Variants in ADGRG6 observed in about 807,000 individuals in gnomAD.
ADGRG6 encodes the protein adhesion G protein-coupled receptor G6.
A neutral mutation model predicts 142.4 loss-of-function variants in ADGRG6; 84 were observed. The observed-to-expected ratio is 0.59, with a 90% CI of 0.49 to 0.71. The LOEUF (loss-of-function observed/expected upper bound fraction) is 0.71, where lower values mean the gene tolerates loss of function less well. Ranked by LOEUF, ADGRG6 falls within the 30% of genes least tolerant of loss-of-function variation. The pLI, the probability that ADGRG6 is intolerant of heterozygous loss-of-function variation, is 0.00. For synonymous variants in ADGRG6, 521 were observed against 520.5 expected (o/e 1.00, Z -0.01); for missense variants, 1,367 against 1,466.6 (o/e 0.93, Z 1.11).
rs773615763 is a variant in ADGRG6, at chr6:142,419,796, T to A, written c.3036-25T>A. ...CAGGACATGGTAATAAATCTTTTTT[T>A]CTTTCTCATTTCTTCTTTTTTAAGC... On this transcript the variant is annotated intron_variant, in intron 21 of 24. Coordinates refer to ENST00000367609, the MANE Select transcript of ADGRG6 (RefSeq NM_198569.3). 1.5e-5 allele frequency: 24 copies of A among 1,562,452 alleles called. 1 individual carries two copies. The East Asian group carries it at 5.2e-4, about 34-fold the overall frequency.
At chr6:142,318,755 G>A (rs1341889768) in intron 2 of ADGRG6, among the ~76,000 whole-genome samples, 1 of 151,930 alleles carries the variant, frequency 6.6e-6, no homozygotes, top group Non-Finnish European at 1.5e-5. Flanking sequence ...ATGCACAGAT[G>A]CATTATAAAT....
intron 2 of ADGRG6, among the ~76,000 whole-genome samples, chr6:142,312,498 A>G (rs1251758107): frequency 6.6e-6 from 1 of 152,096 alleles, no homozygotes; most frequent in Non-Finnish European, 1.5e-5. Flanking sequence ...CTTGTACCAT[A>G]GAAGTATGCC....
intron 2 of ADGRG6, among the ~76,000 whole-genome samples, chr6:142,340,700 C>A (rs900669300): frequency 2.0e-5 from 3 of 152,024 alleles, no homozygotes; most frequent in Non-Finnish European, 4.4e-5. Flanking sequence ...TCTTGTCCCC[C>A]CACATCATTC....
intron 22 of ADGRG6, among the ~76,000 whole-genome samples, chr6:142,432,609 C>A (rs1777264758): frequency 6.6e-6 from 1 of 151,954 alleles, no homozygotes; most frequent in Admixed American, 6.6e-5. Flanking sequence ...ATTTACAGAC[C>A]ACAATGGTTA....
intron 2 of ADGRG6, among the ~76,000 whole-genome samples, chr6:142,360,461 G>A (rs991952073): frequency 6.6e-6 from 1 of 151,978 alleles, no homozygotes; most frequent in African/African-American, 2.4e-5. Flanking sequence ...AACAGAAATC[G>A]ACTAAAACCA....
intron 22 of ADGRG6, among the ~76,000 whole-genome samples, chr6:142,426,614 C>T (rs1296049338): frequency 6.6e-6 from 1 of 152,180 alleles, no homozygotes; most frequent in Non-Finnish European, 1.5e-5. Context: ...GCCCTCTTCT[C>T]ACAGCTCCAC....
At chr6:142,351,403 A>T (rs186290238) in intron 2 of ADGRG6, among the ~76,000 whole-genome samples, 4 of 152,276 alleles carry the variant, frequency 2.6e-5, no homozygotes, top group African/African-American at 9.6e-5. Flanking sequence ...AAAGCCGCAC[A>T]CCTACAACCA....
chr6:142,354,751 T>C (rs946835059), intron 2 of ADGRG6, among the ~76,000 whole-genome samples: 1 of 152,238 alleles, frequency 6.6e-6, no homozygotes, highest in African/African-American at 2.4e-5. Context: ...ATTGCATATA[T>C]GTAAACTATT....
At position 142,415,816 on chromosome 6, in the gene ADGRG6, C is replaced by T. The variant is rs1489763113; in HGVS notation, c.2690C>T (p.Pro897Leu). 6.2e-7 allele frequency: 1 copy of T among 1,611,632 alleles called. No individual in the cohort carries two copies. Among genetic ancestry groups the T allele is most frequent in the Non-Finnish European group, 8.5e-7 (1 of 1,178,182 alleles). Residue 897 changes from proline to leucine, a missense_variant, in exon 20 of 25, where the codon CCC (proline) becomes CTC (leucine). By Grantham distance (98) the Pro-to-Leu change is moderately conservative (BLOSUM62 -3). Transcript: ENST00000367609. ...TTTAGGAAATTGCGAAGGGATTATCCCTCCAAAATCTTGATGAACCTGAGC... is the reference window on the plus strand; with the variant it reads ...TTTAGGAAATTGCGAAGGGATTATCTCTCCAAAATCTTGATGAACCTGAGC... ...VAFEKLRRDY[P>L]SKILMNLSTA... is the part of the protein sequence containing the mutation.
chr6:142,361,950 A>G (rs1780741729), intron 2 of ADGRG6, among the ~76,000 whole-genome samples: 1 of 152,184 alleles, frequency 6.6e-6, no homozygotes, highest in Admixed American at 6.5e-5. Context: ...GTATATCTAC[A>G]TAACAGGCTG....
rs995359259 is a variant in ADGRG6, at chr6:142,381,933, C to CT, written c.1070-13dup. ...AAATCATAAATCAAACTTACATATT[C>CT]TTTTTGTGTTGATCAAGGTTCCTAC... On this transcript the variant is annotated splice_polypyrimidine_tract_variant and intron_variant, in intron 4 of 24. Transcript: ENST00000367609. 2.0e-6 allele frequency: 3 copies of CT among 1,518,932 alleles called. No homozygotes were observed. The highest frequency in any genetic ancestry group is 2.7e-6 in the Non-Finnish European group (3 of 1,105,598). 94.1% of individuals were successfully genotyped at this position (1,518,932 alleles called of 1,614,324 possible).
Position 142,415,049 on chromosome 6 carries a change from A to G in ADGRG6, c.2622A>G (p.Ile874Met). ...LTFISYIGCG[I>M]SAIFSAATLL... is the part of the protein sequence containing the mutation. ...TCATCAGCTATATTGGGTGTGGAAT[A>G]TCTGCTATTTTTTCAGCAGCAACTC... Residue 874 changes from isoleucine (I) to methionine (M), a missense_variant, in exon 19 of 25, where the codon ATA (isoleucine) becomes ATG (methionine). Physicochemically the swap from Ile to Met is conservative, Grantham distance 10. This residue lies in a region of ADGRG6 where 286 missense variants were observed against 371.4 expected (regional missense o/e 0.77). Transcript: ENST00000367609. 6.2e-7 allele frequency: 1 copy of G among 1,612,098 alleles called. No individual in the cohort carries two copies. Among genetic ancestry groups the G allele is most frequent in the Non-Finnish European group, 8.5e-7 (1 of 1,178,784 alleles).
intron 2 of ADGRG6, among the ~76,000 whole-genome samples, chr6:142,366,752 CA>C (rs35575976): frequency 0.031 from 3,720 of 121,336 alleles, 133 homozygotes; most frequent in African/African-American, 0.088. Context: ...GAGACTGTCT[CA>C]AAAAAAAAAA....
At chr6:142,387,669 A>G (rs1001365992) in intron 6 of ADGRG6, among the ~76,000 whole-genome samples, 1 of 152,200 alleles carries the variant, frequency 6.6e-6, no homozygotes, top group Non-Finnish European at 1.5e-5. Context: ...TTGAAATAGC[A>G]TAGATAGAGC....
chr6:142,395,227 T>C (rs1775113808), intron 9 of ADGRG6, among the ~76,000 whole-genome samples: 1 of 152,204 alleles, frequency 6.6e-6, no homozygotes, highest in South Asian at 2.1e-4. Flanking sequence ...CTTTATGATA[T>C]GAAAACACAG....
rs553838149 is a variant in ADGRG6, at chr6:142,401,351, A to C, written c.1680-643A>C. 2.6e-5 allele frequency among the ~76,000 whole-genome samples: 4 copies of C among 152,312 alleles called. No homozygotes were observed. The East Asian group carries it at 7.7e-4, about 29-fold the overall frequency. On this transcript the variant is annotated intron_variant, in intron 11 of 24. Coordinates refer to ENST00000367609, the MANE Select transcript of ADGRG6 (RefSeq NM_198569.3). ...ACCAAATTCCATTTAATCTTCTATA[A>C]GATGTGAATTATAATCTGCTTTGCA...
intron 2 of ADGRG6, among the ~76,000 whole-genome samples, chr6:142,328,873 A>G (rs948452143): frequency 6.6e-6 from 1 of 152,158 alleles, no homozygotes. Context: ...ATTGAGGTAA[A>G]TTGTAGTTTA....
chr6:142,340,972 A>G (rs2114718237), intron 2 of ADGRG6, among the ~76,000 whole-genome samples: 1 of 152,244 alleles, frequency 6.6e-6, no homozygotes, highest in South Asian at 2.1e-4. Flanking sequence ...TAATAGTCTC[A>G]AAATGCAGGG....
Position 142,419,825 on chromosome 6 carries a change from T to C in ADGRG6, c.3040T>C (p.Trp1014Arg), listed in dbSNP as rs1174600832. The C allele has an allele frequency of 6.2e-7, 1 of 1,601,718 alleles. No homozygotes were observed. Among genetic ancestry groups the C allele is most frequent in the Admixed American group, 1.7e-5 (1 of 58,326 alleles). Reference protein sequence around the residue: ...YGKEKGDEFCWIQDPVIFYVT... With the variant: ...YGKEKGDEFCRIQDPVIFYVT... ...TCTCATTTCTTCTTTTTTAAGCTGTTGGATTCAAGATCCAGTCATATTTTA... is the reference window on the plus strand; with the variant it reads ...TCTCATTTCTTCTTTTTTAAGCTGTCGGATTCAAGATCCAGTCATATTTTA... The change falls in exon 22 of 25, where the codon TGG becomes CGG. Residue 1014 changes from tryptophan to arginine, a missense_variant. Coordinates refer to ENST00000367609, the MANE Select transcript of ADGRG6 (RefSeq NM_198569.3).
Sources: gnomAD v4.1 joint callset for allele counts (sites outside exome capture counted in the v4.1 genomes callset) on GRCh38, gnomAD v4.1.1 for gene constraint, gnomAD v4.1.1 regional missense constraint, MANE v1.5 for transcripts, NCBI Gene and HGNC (gene_info 2026-07-23, HGNC 2026-07-21) for gene names.